ADGRA3: variants seen among roughly 807,000 people sequenced by gnomAD.
ADGRA3 encodes adhesion G protein-coupled receptor A3, also known as G-protein coupled receptor 125.
A neutral mutation model predicts 119.8 loss-of-function variants in ADGRA3; 56 were observed. That is an observed-to-expected ratio of 0.47 (90% CI 0.38 to 0.58). ADGRA3 has a LOEUF of 0.58. Among genes scored for constraint, ADGRA3 ranks in the 20% least tolerant of loss-of-function variants. The pLI is 0.00. For missense variants in ADGRA3, 1,516 were observed against 1,649.0 expected (o/e 0.92, Z 1.40); for synonymous variants, 607 against 623.8 (o/e 0.97, Z 0.40).
chr4:22,418,330 G>C (rs1467829851), intron 12 of ADGRA3, among the ~76,000 whole-genome samples: 1 of 152,148 alleles, frequency 6.6e-6, no homozygotes, highest in Non-Finnish European at 1.5e-5. Flanking sequence ...CAATGAGAGA[G>C]AGATGAACAA....
At chr4:22,442,399 A>C (rs1716650001) in intron 7 of ADGRA3, among the ~76,000 whole-genome samples, 1 of 152,162 alleles carries the variant, frequency 6.6e-6, no homozygotes, top group Non-Finnish European at 1.5e-5. Context: ...TTTCCTCCAA[A>C]AACTTTAAAA....
intron 1 of ADGRA3, among the ~76,000 whole-genome samples, chr4:22,511,272 C>T (rs1172725902): frequency 1.3e-5 from 2 of 150,954 alleles, no homozygotes; most frequent in Non-Finnish European, 3.0e-5. Flanking sequence ...CACAGAAATA[C>T]AGTAAATAAG....
intron 2 of ADGRA3, among the ~76,000 whole-genome samples, chr4:22,463,005 T>G (rs1717525514): frequency 6.6e-6 from 1 of 152,132 alleles, no homozygotes; most frequent in African/African-American, 2.4e-5. Flanking sequence ...GGCCCACACT[T>G]CCGCTTTATG....
intron 14 of ADGRA3, 62 bp from the exon 15 acceptor site, chr4:22,402,861 T>C: frequency 6.5e-7 from 1 of 1,531,168 alleles, no homozygotes; most frequent in Admixed American, 2.1e-5. Context: ...CTACTGAGAT[T>C]TTTTTGAGTG....
intron 6 of ADGRA3, among the ~76,000 whole-genome samples, chr4:22,443,515 T>C (rs368306002): frequency 6.6e-6 from 1 of 152,100 alleles, no homozygotes; most frequent in African/African-American, 2.4e-5. Flanking sequence ...TAAAGAATAA[T>C]AGAAAATATG....
intron 1 of ADGRA3, among the ~76,000 whole-genome samples, chr4:22,513,453 G>T (rs147950896): frequency 6.6e-6 from 1 of 151,210 alleles, no homozygotes; most frequent in East Asian, 2.0e-4. Flanking sequence ...ACCACAACCA[G>T]CAGAACAGCT....
intron 1 of ADGRA3, among the ~76,000 whole-genome samples, chr4:22,486,540 G>C (rs779818845): frequency 6.6e-6 from 1 of 152,124 alleles, no homozygotes; most frequent in South Asian, 2.1e-4. Flanking sequence ...AGATGTCCCT[G>C]ACCACAACCC....
chr4:22,396,205 G>GAGTT (rs1052707804), intron 16 of ADGRA3, among the ~76,000 whole-genome samples: 2 of 152,148 alleles, frequency 1.3e-5, no homozygotes, highest in Non-Finnish European at 2.9e-5. Context: ...TAGCAAAAGA[G>GAGTT]AGTTAAAGGC....
At chr4:22,437,659 A>G (rs536854683) in intron 8 of ADGRA3, among the ~76,000 whole-genome samples, 22 of 152,294 alleles carry the variant, frequency 1.4e-4, no homozygotes, top group African/African-American at 4.8e-4. Flanking sequence ...AAAATAAAAA[A>G]ATAAATAAAT....
At chr4:22,471,204 C>T (rs1195248378) in intron 2 of ADGRA3, among the ~76,000 whole-genome samples, 5 of 152,026 alleles carry the variant, frequency 3.3e-5, no homozygotes, top group Non-Finnish European at 5.9e-5. Context: ...AGCAAACTAA[C>T]ACAGGAACAG....
intron 4 of ADGRA3, among the ~76,000 whole-genome samples, chr4:22,450,951 A>AAAAAAT (rs1329338329): frequency 7.3e-5 from 9 of 122,798 alleles, no homozygotes; most frequent in African/African-American, 3.0e-4. Flanking sequence ...AAAAAAAAAA[A>AAAAAAT]ATATATATAT....
At chr4:22,420,372 CTTTT>C (rs966917523) in intron 12 of ADGRA3, 1 of 153,492 alleles carries the variant, frequency 6.5e-6, no homozygotes, top group South Asian at 2.1e-4. Flanking sequence ...CAATGAAATA[CTTTT>C]TTTAAAAAAA....
chr4:22,509,389 G>T (rs1719358205), intron 1 of ADGRA3, among the ~76,000 whole-genome samples: 1 of 151,948 alleles, frequency 6.6e-6, no homozygotes, highest in African/African-American at 2.4e-5. Flanking sequence ...TGTAATCCCA[G>T]CTACTCGGGG....
chr4:22,490,448 T>A (rs949810762), intron 1 of ADGRA3, among the ~76,000 whole-genome samples: 1 of 152,204 alleles, frequency 6.6e-6, no homozygotes, highest in African/African-American at 2.4e-5. Flanking sequence ...GAGGTTCTTA[T>A]AGGAGTCTGA....
At chr4:22,495,227 G>C (rs899843295) in intron 1 of ADGRA3, among the ~76,000 whole-genome samples, 1 of 151,938 alleles carries the variant, frequency 6.6e-6, no homozygotes, top group Non-Finnish European at 1.5e-5. Context: ...GTTCCAGGCA[G>C]GATGGAGCAG....
chr4:22,460,263 C>A (rs116305034), intron 3 of ADGRA3, among the ~76,000 whole-genome samples: 2,041 of 152,286 alleles, frequency 0.013, 15 homozygotes, highest in Non-Finnish European at 0.021. Flanking sequence ...TGAAGGGTAG[C>A]AGAACATGCC....
At chr4:22,407,033 A>G (rs1714966152) in intron 14 of ADGRA3, among the ~76,000 whole-genome samples, 1 of 152,200 alleles carries the variant, frequency 6.6e-6, no homozygotes, top group Non-Finnish European at 1.5e-5. Flanking sequence ...GCACTTTGGG[A>G]GGCCGAGGCG....
chr4:22,413,370 G>A lies in ADGRA3; in HGVS notation c.2044C>T (p.His682Tyr). Residue 682 changes from histidine (H) to tyrosine (Y), a missense_variant, in exon 14 of 19, where the codon CAC becomes TAC. His to Tyr is a moderately conservative substitution (Grantham distance 83). Coordinates refer to ENST00000334304, the MANE Select transcript of ADGRA3 (RefSeq NM_145290.4). ...AGTGTCACATTAACAGGGATGTGGT[G>A]GGTATCTACATTCACACCATCTGGA... ...TKIDGVNVDT[H>Y]HIPVNVTLRR... 1 of 1,613,516 alleles carries A rather than the reference G, an allele frequency of 6.2e-7. No homozygotes were observed. The highest frequency in any genetic ancestry group is 8.5e-7 in the Non-Finnish European group (1 of 1,179,496).
At chr4:22,405,857 A>G (rs1311134998) in intron 14 of ADGRA3, among the ~76,000 whole-genome samples, 1 of 152,188 alleles carries the variant, frequency 6.6e-6, no homozygotes, top group African/African-American at 2.4e-5. Flanking sequence ...ATAAATATGC[A>G]ATAGATTTTT....
Sources: gnomAD v4.1 joint callset for allele counts (sites outside exome capture counted in the v4.1 genomes callset) on GRCh38, gnomAD v4.1.1 for gene constraint, MANE v1.5 for transcripts, NCBI Gene and HGNC (gene_info 2026-07-23, HGNC 2026-07-21) for gene names.